Variants in C8A observed in about 807,000 individuals in gnomAD.
The protein encoded by C8A is complement component C8 alpha chain.
A neutral mutation model predicts 65.3 loss-of-function variants in C8A; 67 were observed. The observed-to-expected ratio is 1.03, with a 90% CI of 0.84 to 1.26. The LOEUF is 1.26. Among genes scored for constraint, C8A ranks in the 50% most tolerant of loss-of-function variants. The pLI, the probability that C8A is intolerant of heterozygous loss-of-function variation, is 0.00. For synonymous variants in C8A, 290 were observed against 259.4 expected (o/e 1.12, Z -1.13); for missense variants, 781 against 723.9 (o/e 1.08, Z -0.90).
At chr1:56,879,936 A>T (rs1046963219) in intron 4 of C8A, among the ~76,000 whole-genome samples, 1 of 152,110 alleles carries the variant, frequency 6.6e-6, no homozygotes, top group Admixed American at 6.6e-5. Flanking sequence ...ATAAACAATC[A>T]TGACGATCGC....
Position 56,886,120 on chromosome 1 carries a change from T to A in C8A, c.1049T>A (p.Ile350Asn). 2 of 1,614,044 alleles carry A rather than the reference T, an allele frequency of 1.2e-6. 1 individual carries two copies. ...HYITSGSMGG[I>N]YEYILVIDKA... ...ATCACATCTGGATCCATGGGTGGCA[T>A]TTATGAATATATCCTGGTGATTGAC... Residue 350 changes from isoleucine to asparagine, a missense_variant, in exon 7 of 11, where the codon ATT becomes AAT. By Grantham distance (149) the Ile-to-Asn change is moderately radical. Coordinates refer to ENST00000361249, the MANE Select transcript of C8A (RefSeq NM_000562.3).
intron 2 of C8A, among the ~76,000 whole-genome samples, chr1:56,871,669 T>A (rs555589620): frequency 6.6e-6 from 1 of 152,308 alleles, no homozygotes; most frequent in African/African-American, 2.4e-5. Flanking sequence ...TTTAACTTCA[T>A]AAACTTGTGA....
At position 56,864,361 on chromosome 1, in the gene C8A, C is replaced by G. The variant is rs547056905; in HGVS notation, c.78-3248C>G. The stretch of plus-strand genomic sequence containing the variant: ...AAAGTGATGAATCATGGAATCAAAA[C>G]TGGTTATAAAGGTAAATAAAGAGAA... On this transcript the variant is annotated intron_variant, in intron 1 of 10. Coordinates refer to ENST00000361249, the MANE Select transcript of C8A (RefSeq NM_000562.3). Among the ~76,000 whole-genome samples the G allele has an allele frequency of 2.0e-5, 3 of 152,060 alleles. No homozygotes were observed. In the East Asian group the frequency reaches 5.8e-4, roughly 29 times the overall value.
At chr1:56,860,557 T>G (rs1394338319) in intron 1 of C8A, among the ~76,000 whole-genome samples, 1 of 152,122 alleles carries the variant, frequency 6.6e-6, no homozygotes, top group Non-Finnish European at 1.5e-5. Flanking sequence ...AAAGGTAAAG[T>G]AGAAGAAGGT....
At chr1:56,890,232 G>A (rs910213958) in intron 7 of C8A, among the ~76,000 whole-genome samples, 1 of 152,012 alleles carries the variant, frequency 6.6e-6, no homozygotes, top group African/African-American at 2.4e-5. Flanking sequence ...TTGCCAACCT[G>A]ACAAACTTCA....
At chr1:56,915,746 T>C (rs933954640) in intron 10 of C8A, among the ~76,000 whole-genome samples, 4 of 152,210 alleles carry the variant, frequency 2.6e-5, no homozygotes, top group African/African-American at 4.8e-5. Context: ...CAAGGTCACC[T>C]AGCTGGGGAA....
intron 7 of C8A, among the ~76,000 whole-genome samples, chr1:56,890,015 C>A (rs1327482646): frequency 6.6e-6 from 1 of 152,028 alleles, no homozygotes; most frequent in African/African-American, 2.4e-5. Context: ...TCCTTCATTC[C>A]TTCTTTGGAG....
At chr1:56,895,477 G>A (rs1451149676) in intron 7 of C8A, among the ~76,000 whole-genome samples, 1 of 152,086 alleles carries the variant, frequency 6.6e-6, no homozygotes, top group African/African-American at 2.4e-5. Flanking sequence ...TGTTAAGCAA[G>A]GTGCTATAAT....
intron 7 of C8A, among the ~76,000 whole-genome samples, chr1:56,894,060 G>A (rs1175543838): frequency 1.3e-5 from 2 of 152,112 alleles, no homozygotes; most frequent in Non-Finnish European, 2.9e-5. Flanking sequence ...CAGTGTAGGT[G>A]TTATTATTAC....
chr1:56,904,789 G>C (rs1234933611), intron 7 of C8A, among the ~76,000 whole-genome samples: 1 of 152,160 alleles, frequency 6.6e-6, no homozygotes, highest in African/African-American at 2.4e-5. Flanking sequence ...TGCTGGCTGG[G>C]ACCCTCTTTG....
intron 4 of C8A, 142 bp from the exon 5 acceptor site, chr1:56,881,303 T>A (rs1199027153): frequency 1.2e-6 from 1 of 812,450 alleles, no homozygotes; most frequent in Non-Finnish European, 2.0e-6. Flanking sequence ...TTATTTTAAG[T>A]TCAGGGGTAC....
intron 7 of C8A, among the ~76,000 whole-genome samples, chr1:56,894,943 T>C (rs568851095): frequency 1.3e-5 from 2 of 152,266 alleles, no homozygotes; most frequent in African/African-American, 4.8e-5. Flanking sequence ...TATTTTGTTT[T>C]AATACAATGT....
intron 9 of C8A, 29 bp downstream of exon 9, chr1:56,908,142 T>C (rs772963404): frequency 3.0e-5 from 49 of 1,609,036 alleles, no homozygotes; most frequent in Non-Finnish European, 4.2e-5. Context: ...GAAGAAACTC[T>C]ACGTCCATGA....
chr1:56,878,915 C>T (rs755101936), intron 4 of C8A, among the ~76,000 whole-genome samples: 1 of 152,190 alleles, frequency 6.6e-6, no homozygotes, highest in Non-Finnish European at 1.5e-5. Flanking sequence ...TCATGCTATA[C>T]ATATTGTCTG....
At chr1:56,905,794 G>A (rs1373826783) in intron 7 of C8A, among the ~76,000 whole-genome samples, 1 of 152,162 alleles carries the variant, frequency 6.6e-6, no homozygotes, top group Non-Finnish European at 1.5e-5. Context: ...GACTCCTTTA[G>A]CTACCGAAAA....
chr1:56,897,519 G>A (rs1324791451), intron 7 of C8A, among the ~76,000 whole-genome samples: 1 of 152,220 alleles, frequency 6.6e-6, no homozygotes, highest in East Asian at 1.9e-4. Flanking sequence ...AGAGGCTGGG[G>A]ACTGAGGGCA....
intron 9 of C8A, among the ~76,000 whole-genome samples, chr1:56,908,853 G>A (rs1274408452): frequency 1.3e-5 from 2 of 152,174 alleles, no homozygotes; most frequent in African/African-American, 4.8e-5. Flanking sequence ...CTCTATCCTA[G>A]CACCTCCATT....
chr1:56,906,662 T>G lies in C8A; in HGVS notation c.1097-5T>G. The G allele has an allele frequency of 6.2e-7, 1 of 1,614,068 alleles. No homozygotes were observed. The highest frequency in any genetic ancestry group is 8.5e-7 in the Non-Finnish European group (1 of 1,179,930). Reference sequence around the variant, plus strand: ...ATTTTGTGTTTCTCTGTCTCCCTGTTGCAGGTATTACCAGCAGAGATATCA... The same window carrying G: ...ATTTTGTGTTTCTCTGTCTCCCTGTGGCAGGTATTACCAGCAGAGATATCA... On this transcript the variant is annotated splice_region_variant and splice_polypyrimidine_tract_variant and intron_variant, in intron 7 of 10. Transcript: ENST00000361249.
intron 1 of C8A, among the ~76,000 whole-genome samples, chr1:56,857,542 T>C (rs1643989129): frequency 1.3e-5 from 2 of 152,090 alleles, no homozygotes; most frequent in Non-Finnish European, 2.9e-5. Flanking sequence ...ATATAATTCA[T>C]GTGAACATAC....
Sources: allele counts gnomAD v4.1 joint callset (sites outside exome capture counted in the v4.1 genomes callset), GRCh38; gene constraint gnomAD v4.1.1; transcripts MANE v1.5; gene names NCBI Gene and HGNC (gene_info 2026-07-23, HGNC 2026-07-21).